Variants in CFAP91 observed in about 807,000 individuals in gnomAD.
The protein encoded by CFAP91 is cilia- and flagella-associated protein 91.
Under a neutral mutation model 95.9 loss-of-function variants are expected in CFAP91, and 85 were observed. That is an observed-to-expected ratio of 0.89 (90% CI 0.74 to 1.06). CFAP91 has a LOEUF of 1.06. Ranked by LOEUF, CFAP91 falls within the 50% of genes least tolerant of loss-of-function variation. The pLI, the probability that CFAP91 is intolerant of heterozygous loss-of-function variation, is 0.00. For synonymous variants in CFAP91, 335 were observed against 327.5 expected (o/e 1.02, Z -0.25); for missense variants, 962 against 943.4 (o/e 1.02, Z -0.26).
chr3:119,733,195 T>C (rs1426364019), intron 9 of CFAP91, among the ~76,000 whole-genome samples, 169 bp from the exon 10 acceptor site: 2 of 152,258 alleles, frequency 1.3e-5, no homozygotes, highest in Admixed American at 6.5e-5. Context: ...GTTAATTATA[T>C]GGAAATGTGC....
intron 16 of CFAP91, among the ~76,000 whole-genome samples, chr3:119,748,467 A>G (rs2054265964): frequency 6.6e-6 from 1 of 152,240 alleles, no homozygotes; most frequent in Non-Finnish European, 1.5e-5. Context: ...TATCTTAAAC[A>G]GAAAAATAAG....
At chr3:119,712,810 CTGGGTGAGGTGG>C (rs1232456686) in intron 5 of CFAP91, among the ~76,000 whole-genome samples, 1 of 151,924 alleles carries the variant, frequency 6.6e-6, no homozygotes, top group African/African-American at 2.4e-5. Flanking sequence ...CAAAAATTAG[CTGGGTGAGGTGG>C]TGGGCACCTG....
chr3:119,726,415 G>A, intron 7 of CFAP91, 67 bp downstream of exon 7: 1 of 1,396,630 alleles, frequency 7.2e-7, no homozygotes, highest in Middle Eastern at 1.8e-4. Flanking sequence ...CTTTATATCT[G>A]CAAAGCATTC....
intron 17 of CFAP91, among the ~76,000 whole-genome samples, chr3:119,755,265 A>G (rs1191668689): frequency 2.6e-5 from 4 of 152,188 alleles, no homozygotes; most frequent in Admixed American, 6.5e-5. Context: ...TGCAAGAAGA[A>G]CATGAATTCT....
rs1195422205 is a variant in CFAP91, at chr3:119,712,560, A to G, written c.500+2665A>G. Among the ~76,000 whole-genome samples the G allele has an allele frequency of 2.0e-5, 3 of 152,238 alleles. No homozygotes were observed. The East Asian group carries it at 5.8e-4, about 29-fold the overall frequency. ...TTATTCAACTAGAATTTTATAGTAG[A>G]ATAATTTCTACTGAAAACATAAGAA... is the stretch of plus-strand genomic sequence containing the variant. On this transcript the variant is annotated intron_variant, in intron 5 of 17. Coordinates refer to ENST00000273390, the MANE Select transcript of CFAP91 (RefSeq NM_033364.4).
At chr3:119,752,015 A>G (rs893055870) in intron 17 of CFAP91, among the ~76,000 whole-genome samples, 1 of 152,260 alleles carries the variant, frequency 6.6e-6, no homozygotes, top group Non-Finnish European at 1.5e-5. Flanking sequence ...CAGTTGACAC[A>G]TATCACCTTA....
At position 119,754,162 on chromosome 3, in the gene CFAP91, T is replaced by C. The variant is rs188125913; in HGVS notation, c.*1+3064T>C. ...TCTGGTGAGTTGTCAGGTGGAAATATGGAATATGTTATTAGAAACTAGAGG... is the reference window on the plus strand; with the variant it reads ...TCTGGTGAGTTGTCAGGTGGAAATACGGAATATGTTATTAGAAACTAGAGG... On this transcript the variant is annotated intron_variant, in intron 17 of 17. Coordinates refer to ENST00000273390, the MANE Select transcript of CFAP91 (RefSeq NM_033364.4). Among the ~76,000 whole-genome samples the C allele has an allele frequency of 7.1e-4, 108 of 152,296 alleles. 2 individuals are homozygous for C. The highest frequency in any genetic ancestry group is 6.8e-3 in the Middle Eastern group (2 of 294).
chr3:119,740,752 A>G (rs2107899688), intron 13 of CFAP91, 57 bp downstream of exon 13: 2 of 1,533,720 alleles, frequency 1.3e-6, no homozygotes, highest in Non-Finnish European at 1.8e-6. Flanking sequence ...CCTTGATTTT[A>G]TCATCACACA....
chr3:119,733,212 A>G, intron 9 of CFAP91, 152 bp from the exon 10 acceptor site: 1 of 681,816 alleles, frequency 1.5e-6, no homozygotes, highest in Non-Finnish European at 2.4e-6. Flanking sequence ...GTGCTATTAC[A>G]TTTCAGGGAC....
At chr3:119,736,271 T>C in intron 10 of CFAP91, among the ~76,000 whole-genome samples, 1 of 139,882 alleles carries the variant, frequency 7.1e-6, no homozygotes, top group Non-Finnish European at 1.6e-5. Context: ...TTCTATTGTT[T>C]TTTTTTTTTT....
At chr3:119,737,267 A>G (rs2054027377) in intron 10 of CFAP91, 99 bp from the exon 11 acceptor site, 1 of 674,820 alleles carries the variant, frequency 1.5e-6, no homozygotes, top group Non-Finnish European at 2.6e-6. Context: ...AGATTTCACC[A>G]TTATGTAATA....
At position 119,729,869 on chromosome 3, in the gene CFAP91, C is replaced by T. The variant is rs559572496; in HGVS notation, c.861-351C>T. ...AGAACCGCATTTCCTCTTCACTCCC[C>T]CTATTATGTAACCCTCCAGGAATAC... On this transcript the variant is annotated intron_variant, in intron 7 of 17. Transcript: ENST00000273390. Among the ~76,000 whole-genome samples the T allele has an allele frequency of 2.0e-5, 3 of 152,300 alleles. No homozygotes were observed. The East Asian group carries it at 5.8e-4, about 29-fold the overall frequency.
rs761957762 is a variant in CFAP91 at position 119,703,050 on chromosome 3, C to A, written c.-49C>A. The A allele has an allele frequency of 1.3e-5, 20 of 1,543,414 alleles. No homozygotes were observed. Among genetic ancestry groups the A allele is most frequent in the Non-Finnish European group, 1.5e-5 (17 of 1,142,822 alleles). ...ACCATAGCGACGTGCACGCAGTAGC[C>A]AGGCCTGACCCGCTGGTCCCTTGCT... On this transcript the variant is annotated 5_prime_UTR_variant, in exon 1 of 18. Coordinates refer to ENST00000273390, the MANE Select transcript of CFAP91 (RefSeq NM_033364.4).
chr3:119,731,421 A>G (rs1208742939), intron 8 of CFAP91, among the ~76,000 whole-genome samples: 2 of 152,214 alleles, frequency 1.3e-5, no homozygotes, highest in Non-Finnish European at 1.5e-5. Flanking sequence ...TCTTTTTGAG[A>G]AAAGAGCACT....
chr3:119,716,209 C>G (rs1217277373), intron 6 of CFAP91, among the ~76,000 whole-genome samples: 1 of 152,244 alleles, frequency 6.6e-6, no homozygotes, highest in Non-Finnish European at 1.5e-5. Flanking sequence ...GACATTATCT[C>G]TGAAATGCTA....
chr3:119,733,663 G>A (rs1260438464), intron 10 of CFAP91, among the ~76,000 whole-genome samples, 157 bp downstream of exon 10: 1 of 152,140 alleles, frequency 6.6e-6, no homozygotes, highest in East Asian at 1.9e-4. Context: ...CTGAACCAAT[G>A]TGTATTTCCC....
Position 119,747,180 on chromosome 3 carries a change from G to A in CFAP91, c.1968G>A (p.Ala656=), listed in dbSNP as rs79850988. 8.4e-3 allele frequency: 13,539 copies of A among 1,613,698 alleles called. 187 individuals are homozygous for A. Among genetic ancestry groups the A allele is most frequent in the African/African-American group, 0.047 (3,506 of 74,982 alleles). ...AAGACATAATACTGAATACCGAAGC[G>A]AATACTGCAGAAGAACAAGCCAGGG... is the stretch of plus-strand genomic sequence containing the variant. The part of the protein sequence containing the change: ...YLEDIILNTE[A]NTAEEQARAE... The change falls in exon 15 of 18, where the codon GCG becomes GCA. Residue 656 remains alanine, a synonymous_variant. Transcript: ENST00000273390.
chr3:119,707,134 G>A lies in CFAP91; in HGVS notation c.201+249G>A, dbSNP rs564050191. The A allele has an allele frequency of 5.5e-6, 3 of 541,502 alleles. 1 individual carries two copies. The highest frequency in any genetic ancestry group is 5.7e-5 in the South Asian group (2 of 35,316). The allele number at this position is 541,502 out of a possible 1,614,324, so 33.5% of individuals were successfully genotyped here. ...CAATGGGATAAATTTAATAATATAT[G>A]CCCATGTTAAAAGAATTCAAGTAGT... On this transcript the variant is annotated intron_variant, in intron 2 of 17. Coordinates refer to ENST00000273390, the MANE Select transcript of CFAP91 (RefSeq NM_033364.4).
intron 16 of CFAP91, among the ~76,000 whole-genome samples, chr3:119,748,159 A>G (rs1343421037): frequency 6.6e-6 from 1 of 152,204 alleles, no homozygotes; most frequent in Non-Finnish European, 1.5e-5. Context: ...GATGTTCCCA[A>G]GTTTTCAGAA....
Sources: allele counts gnomAD v4.1 joint callset (sites outside exome capture counted in the v4.1 genomes callset), GRCh38; gene constraint gnomAD v4.1.1; transcripts MANE v1.5; gene names NCBI Gene and HGNC (gene_info 2026-07-23, HGNC 2026-07-21).